The following FTO variants were observed in gnomAD, a reference collection of about 807,000 sequenced individuals.
FTO encodes FTO alpha-ketoglutarate dependent dioxygenase.
Under a neutral mutation model 63.9 loss-of-function variants are expected in FTO, and 47 were observed. The observed-to-expected ratio is 0.74, with a 90% confidence interval of 0.58 to 0.94. The LOEUF is 0.94. Among genes scored for constraint, FTO ranks in the 40% least tolerant of loss-of-function variants. FTO has a pLI of 0.00. For missense variants in FTO, 562 were observed against 618.1 expected, an observed-to-expected ratio of 0.91 and a Z score of 0.96; for synonymous variants, 207 against 224.4, an observed-to-expected ratio of 0.92 and a Z score of 0.69.
At chr16:53,825,414 C>T (rs1482803351) in intron 2 of FTO, among the ~76,000 whole-genome samples, 1 of 152,072 alleles carries the variant, frequency 6.6e-6, no homozygotes, top group Non-Finnish European at 1.5e-5. Context: ...TTTCAGTGGT[C>T]TCATCTATAA....
intron 8 of FTO, chr16:54,071,197 G>C (rs141974413): frequency 1.3e-5 from 2 of 152,236 alleles, no homozygotes; most frequent in African/African-American, 4.8e-5. Flanking sequence ...AAGGAGTCCA[G>C]TTAACAGAAG....
chr16:53,906,363 T>G (rs2081539152), intron 7 of FTO, among the ~76,000 whole-genome samples: 1 of 152,184 alleles, frequency 6.6e-6, no homozygotes. Context: ...CTCACCAAGT[T>G]AGATTTGATT....
chr16:53,723,715 C>A (rs1331136251), intron 1 of FTO, among the ~76,000 whole-genome samples: 2 of 152,186 alleles, frequency 1.3e-5, no homozygotes, highest in Non-Finnish European at 2.9e-5. Context: ...GATGCTTTGT[C>A]ACTGTCACCA....
intron 8 of FTO, among the ~76,000 whole-genome samples, chr16:53,990,264 A>C (rs1281578457): frequency 2.0e-5 from 3 of 152,202 alleles, no homozygotes; most frequent in African/African-American, 7.2e-5. Context: ...CATTCAATAA[A>C]TACCACTTAG....
In FTO at chr16:53,766,074, G is replaced by A. The variant is rs1017174001; in HGVS notation, c.46-44066G>A. On this transcript the variant is annotated intron_variant, in intron 1 of 8. Transcript: ENST00000471389. Reference sequence around the variant, plus strand: ...TGATGGCTTGGCCCAGTTGGTGACTGTGCAGATAGACTGAAGGGGAAGGAT... The same window carrying A: ...TGATGGCTTGGCCCAGTTGGTGACTATGCAGATAGACTGAAGGGGAAGGAT... Among the ~76,000 whole-genome samples the A allele has an allele frequency of 5.3e-5, 8 of 152,324 alleles. 1 individual carries two copies. The highest frequency in any genetic ancestry group is 4.6e-4 in the Admixed American group (7 of 15,308).
chr16:54,021,674 G>A (rs1035107643), intron 8 of FTO, among the ~76,000 whole-genome samples: 1 of 152,044 alleles, frequency 6.6e-6, no homozygotes, highest in Non-Finnish European at 1.5e-5. Flanking sequence ...ATTTTTAGTG[G>A]AGACAGGATT....
At chr16:54,020,909 T>C (rs1476108922) in intron 8 of FTO, among the ~76,000 whole-genome samples, 1 of 152,134 alleles carries the variant, frequency 6.6e-6, no homozygotes, top group African/African-American at 2.4e-5. Context: ...AGACAGAGGT[T>C]GCAGTGAGTC....
At chr16:53,969,673 A>C (rs1567483302) in intron 8 of FTO, among the ~76,000 whole-genome samples, 3 of 152,002 alleles carry the variant, frequency 2.0e-5, no homozygotes, top group African/African-American at 7.3e-5. Context: ...ACTACTGCAC[A>C]CTCTCTGTTT....
At chr16:54,067,068 T>C (rs1234967119) in intron 8 of FTO, among the ~76,000 whole-genome samples, 1 of 152,226 alleles carries the variant, frequency 6.6e-6, no homozygotes, top group Non-Finnish European at 1.5e-5. Context: ...TTTAAAAGCA[T>C]TATTTATTTT....
intron 2 of FTO, among the ~76,000 whole-genome samples, chr16:53,812,563 T>C (rs1405864470): frequency 6.6e-6 from 1 of 152,184 alleles, no homozygotes; most frequent in African/African-American, 2.4e-5. Flanking sequence ...GCTTCCCTTA[T>C]CCTCTGTACT....
intron 1 of FTO, among the ~76,000 whole-genome samples, chr16:53,770,216 G>T (rs1483701628): frequency 1.3e-5 from 2 of 152,078 alleles, no homozygotes; most frequent in Non-Finnish European, 2.9e-5. Context: ...GTTACAGTTT[G>T]TATGGAAAAA....
intron 1 of FTO, among the ~76,000 whole-genome samples, chr16:53,717,857 C>T (rs1312441163): frequency 6.6e-6 from 1 of 151,906 alleles, no homozygotes; most frequent in East Asian, 1.9e-4. Context: ...GCTTTTTATC[C>T]TGTTTGTTTT....
At chr16:54,087,630 C>G (rs1466964136) in intron 8 of FTO, among the ~76,000 whole-genome samples, 1 of 152,066 alleles carries the variant, frequency 6.6e-6, no homozygotes, top group Non-Finnish European at 1.5e-5. Context: ...TAGCAAGACC[C>G]CATCTCTACA....
chr16:54,106,949 T>C (rs1331701373), intron 8 of FTO, among the ~76,000 whole-genome samples: 1 of 144,024 alleles, frequency 6.9e-6, no homozygotes, highest in African/African-American at 2.5e-5. Flanking sequence ...TACTATATTA[T>C]GTATATACTT....
In FTO at chr16:53,877,024, C is replaced by T. The variant is rs538583071; in HGVS notation, c.976-2820C>T. ...AGGGAAATACAAATCAAAACCACGA[C>T]GGGATAACATTTCACACTCACTAGG... On this transcript the variant is annotated intron_variant, in intron 5 of 8. Transcript: ENST00000471389. Among the ~76,000 whole-genome samples, 110 of 152,252 alleles carry T rather than the reference C, an allele frequency of 7.2e-4. 1 individual carries two copies. Among genetic ancestry groups the T allele is most frequent in the African/African-American group, 2.5e-3 (104 of 41,554 alleles).
chr16:53,745,967 A>T (rs2076641197), intron 1 of FTO, among the ~76,000 whole-genome samples: 1 of 152,238 alleles, frequency 6.6e-6, no homozygotes, highest in African/African-American at 2.4e-5. Context: ...TTATATACTT[A>T]TACCTTAGCA....
chr16:53,768,562 G>A (rs192587677), intron 1 of FTO, among the ~76,000 whole-genome samples: 75 of 152,218 alleles, frequency 4.9e-4, no homozygotes, highest in Admixed American at 2.1e-3. Flanking sequence ...TTTCCCTTTT[G>A]ATGCACAAAG....
intron 7 of FTO, among the ~76,000 whole-genome samples, chr16:53,926,222 T>G (rs1659667744): frequency 6.6e-6 from 1 of 152,206 alleles, no homozygotes; most frequent in Non-Finnish European, 1.5e-5. Context: ...CATATACTCA[T>G]TTTTCTTGAT....
intron 8 of FTO, chr16:53,979,491 ATTTC>A: frequency 2.5e-6 from 1 of 397,406 alleles, no homozygotes; most frequent in Non-Finnish European, 4.4e-6. Flanking sequence ...AAGTAACAGA[ATTTC>A]TTTATCACTA....
Sources: allele counts gnomAD v4.1 joint callset (sites outside exome capture counted in the v4.1 genomes callset), GRCh38; gene constraint gnomAD v4.1.1; transcripts MANE v1.5; gene names NCBI Gene and HGNC (gene_info 2026-07-23, HGNC 2026-07-21).